GPC5: variants seen among roughly 807,000 people sequenced by gnomAD.
GPC5 encodes glypican 5.
Under a neutral mutation model 53.9 loss-of-function variants are expected in GPC5, and 47 were observed. The ratio of observed to expected loss-of-function variants is 0.87; its 90% CI spans 0.69 to 1.11. GPC5 has a LOEUF of 1.11. Ranked by LOEUF, GPC5 falls within the 50% of genes most tolerant of loss-of-function variation. GPC5 has a pLI of 0.00. For synonymous variants in GPC5, 286 were observed against 263.3 expected, an observed-to-expected ratio of 1.09 and a Z score of -0.84; for missense variants, 748 against 713.1, an observed-to-expected ratio of 1.05 and a Z score of -0.56.
At chr13:91,546,749 C>T (rs1316631030) in intron 2 of GPC5, among the ~76,000 whole-genome samples, 5 of 152,112 alleles carry the variant, frequency 3.3e-5, no homozygotes, top group East Asian at 1.9e-4. Context: ...TAAGCGATAT[C>T]GAGGATTTTA....
intron 7 of GPC5, among the ~76,000 whole-genome samples, chr13:92,633,503 G>T (rs1250169747): frequency 1.3e-5 from 2 of 152,040 alleles, no homozygotes; most frequent in African/African-American, 4.8e-5. Context: ...CTGCTCACTT[G>T]GGTATTAAAG....
At chr13:92,541,983 T>C (rs1373470702) in intron 7 of GPC5, among the ~76,000 whole-genome samples, 1 of 152,018 alleles carries the variant, frequency 6.6e-6, no homozygotes, top group African/African-American at 2.4e-5. Flanking sequence ...TTTATTTCTC[T>C]GTTCTTGCAC....
rs372222799 is a variant in GPC5 at position 92,663,823 on chromosome 13, TATAC to T, written c.1562-202457_1562-202454del. 6.1e-5 allele frequency among the ~76,000 whole-genome samples: 8 copies of T among 130,738 alleles called. No homozygotes were observed. The East Asian group carries it at 1.1e-3, about 18-fold the overall frequency. The allele number at this position is 130,738 out of a possible 152,430, so 85.8% of individuals were successfully genotyped here. A position where few individuals can be genotyped will look rare whatever the true frequency, so the allele number is the denominator to read the frequency against. On this transcript the variant is annotated intron_variant, in intron 7 of 7. Coordinates refer to ENST00000377067, the MANE Select transcript of GPC5 (RefSeq NM_004466.6). ...ACTATATATATACACACTATATATA[TATAC>T]ACACACTATATATATATACACACAC...
At position 92,579,870 on chromosome 13, in the gene GPC5, C is replaced by G. The variant is rs116031894; in HGVS notation, c.1562-286412C>G. ...TCTCTCTTTCTTTATCATAAGCTAG[C>G]TTTTTCACTATGTATGCTTAACATT... On this transcript the variant is annotated intron_variant, in intron 7 of 7. Transcript: ENST00000377067. Among the ~76,000 whole-genome samples the G allele has an allele frequency of 4.3e-3, 661 of 152,188 alleles. 2 individuals carry two copies. Among genetic ancestry groups the G allele is most frequent in the African/African-American group, 0.015 (619 of 41,550 alleles).
intron 5 of GPC5, among the ~76,000 whole-genome samples, chr13:91,897,422 A>G (rs2039454679): frequency 6.6e-6 from 1 of 151,246 alleles, no homozygotes; most frequent in South Asian, 2.1e-4. Context: ...TCCTTATGTT[A>G]ATAATATGCC....
At chr13:91,679,785 T>C (rs367951377) in intron 2 of GPC5, among the ~76,000 whole-genome samples, 1 of 152,326 alleles carries the variant, frequency 6.6e-6, no homozygotes, top group African/African-American at 2.4e-5. Context: ...AAACTCTCAA[T>C]TACACATATT....
intron 1 of GPC5, among the ~76,000 whole-genome samples, chr13:91,435,503 T>C (rs1398736334): frequency 6.6e-6 from 1 of 152,242 alleles, no homozygotes; most frequent in African/African-American, 2.4e-5. Context: ...GATTTGCGTA[T>C]GTTGAACCAG....
intron 2 of GPC5, among the ~76,000 whole-genome samples, chr13:91,588,061 A>G (rs1295640214): frequency 6.6e-6 from 1 of 152,132 alleles, no homozygotes; most frequent in Non-Finnish European, 1.5e-5. Context: ...GCTACCTTAT[A>G]CAAATTGAGT....
At chr13:92,010,055 G>A (rs1469826443) in intron 6 of GPC5, among the ~76,000 whole-genome samples, 6 of 152,052 alleles carry the variant, frequency 3.9e-5, no homozygotes, top group African/African-American at 1.4e-4. Context: ...ACATATATAA[G>A]GATAATATAA....
chr13:92,087,015 C>G (rs1295187205), intron 6 of GPC5, among the ~76,000 whole-genome samples: 1 of 152,200 alleles, frequency 6.6e-6, no homozygotes, highest in African/African-American at 2.4e-5. Context: ...CCAGAATACA[C>G]CAATTCCAAG....
At chr13:91,724,056 G>C (rs1035583230) in intron 3 of GPC5, among the ~76,000 whole-genome samples, 15 of 152,082 alleles carry the variant, frequency 9.9e-5, no homozygotes, top group African/African-American at 3.4e-4. Context: ...TTAGAAACTA[G>C]TTCTCAGAAT....
rs1309060824 is a variant in GPC5 at position 92,556,312 on chromosome 13, TAAACATTTAGAAATA to T, written c.1562-309969_1562-309955del. On this transcript the variant is annotated intron_variant, in intron 7 of 7. Transcript: ENST00000377067. ...TAACTTTATTTTAATTGCAGGAGAC[TAAACATTTAGAAATA>T]GTTTATTAATAGTTCAGGTATCTGA... Among the ~76,000 whole-genome samples, 5 of 151,882 alleles carry T rather than the reference TAAACATTTAGAAATA, an allele frequency of 3.3e-5. No individual in the cohort carries two copies. The Admixed American group carries it at 3.3e-4, about 10-fold the overall frequency.
At chr13:92,391,034 T>C (rs1214874147) in intron 7 of GPC5, among the ~76,000 whole-genome samples, 1 of 152,278 alleles carries the variant, frequency 6.6e-6, no homozygotes, top group East Asian at 1.9e-4. Context: ...AATGTTCATT[T>C]ATTTTCTTCA....
chr13:91,909,046 T>C (rs564348486), intron 6 of GPC5, among the ~76,000 whole-genome samples: 1 of 152,314 alleles, frequency 6.6e-6, no homozygotes, highest in East Asian at 1.9e-4. Context: ...GGAAAGGATA[T>C]GTAAGAAGGA....
chr13:91,566,516 T>C (rs377248223), intron 2 of GPC5, among the ~76,000 whole-genome samples: 67 of 152,196 alleles, frequency 4.4e-4, no homozygotes, highest in African/African-American at 1.6e-3. Context: ...TGAGCTGAAA[T>C]CATGACACTG....
chr13:91,858,651 C>G (rs2038993016), intron 5 of GPC5, among the ~76,000 whole-genome samples: 2 of 151,824 alleles, frequency 1.3e-5, no homozygotes, highest in Admixed American at 6.6e-5. Flanking sequence ...GTTTTGGTAT[C>G]AGAGTAATAA....
intron 5 of GPC5, among the ~76,000 whole-genome samples, chr13:91,786,449 A>G (rs1490226365): frequency 6.6e-6 from 1 of 151,950 alleles, no homozygotes; most frequent in African/African-American, 2.4e-5. Flanking sequence ...CATCTTTTTG[A>G]CAGAGTGCCT....
chr13:91,918,414 A>C (rs2039680733), intron 6 of GPC5, among the ~76,000 whole-genome samples: 1 of 152,254 alleles, frequency 6.6e-6, no homozygotes, highest in Admixed American at 6.5e-5. Flanking sequence ...TAATACTGAC[A>C]TAAACTATTA....
intron 2 of GPC5, among the ~76,000 whole-genome samples, chr13:91,487,802 T>C (rs751126903): frequency 2.0e-5 from 3 of 152,240 alleles, no homozygotes; most frequent in Admixed American, 6.5e-5. Context: ...AGGCCCCATT[T>C]TCGGTCCTTG....
Sources: allele counts gnomAD v4.1 joint callset (sites outside exome capture counted in the v4.1 genomes callset), GRCh38; gene constraint gnomAD v4.1.1; transcripts MANE v1.5; gene names NCBI Gene and HGNC (gene_info 2026-07-23, HGNC 2026-07-21).